Variants in CHD9NB observed in about 807,000 individuals in gnomAD.
CHD9NB encodes the protein CHD9 neighbor, also known as CHD9 neighbor protein.
At chr16:53,050,323 A>G in the CHD9NB span, among the ~76,000 whole-genome samples, 9 of 152,282 alleles carry the variant, frequency 5.9e-5, no homozygotes, top group South Asian at 1.9e-3. Context: ...CCTGAGCAAC[A>G]TGGTGAGATT....
At chr16:53,049,057 CTA>C in the CHD9NB span, among the ~76,000 whole-genome samples, 4 of 152,190 alleles carry the variant, frequency 2.6e-5, no homozygotes, top group Admixed American at 2.6e-4. Context: ...TGGGGTCGCA[CTA>C]TGTTACCCAG....
the CHD9NB span, among the ~76,000 whole-genome samples, chr16:53,038,391 A>G: frequency 2.0e-5 from 3 of 152,214 alleles, no homozygotes; most frequent in Non-Finnish European, 4.4e-5. Flanking sequence ...TCTGTCACCT[A>G]GGCTGGAATG....
the CHD9NB span, among the ~76,000 whole-genome samples, chr16:53,050,522 A>G: frequency 6.6e-6 from 1 of 152,136 alleles, no homozygotes; most frequent in Non-Finnish European, 1.5e-5. Context: ...AAAATAAAAT[A>G]AAATAATTGC....
the CHD9NB span, chr16:53,044,175 G>A: frequency 2.5e-6 from 1 of 398,726 alleles, no homozygotes; most frequent in Non-Finnish European, 4.4e-6. Flanking sequence ...GGGACACAGA[G>A]GATCCAGTGC....
chr16:53,040,936 G>T, the CHD9NB span, among the ~76,000 whole-genome samples: 2 of 152,172 alleles, frequency 1.3e-5, no homozygotes, highest in Admixed American at 1.3e-4. Flanking sequence ...TGGATGAAAG[G>T]ATGGATGGAC....
chr16:53,046,434 T>C, the CHD9NB span, among the ~76,000 whole-genome samples: 1 of 151,596 alleles, frequency 6.6e-6, no homozygotes, highest in Non-Finnish European at 1.5e-5. Flanking sequence ...CCTAGCACTT[T>C]AGGAGGCCGA....
the CHD9NB span, among the ~76,000 whole-genome samples, chr16:53,048,052 G>C: frequency 7.5e-6 from 1 of 133,472 alleles, no homozygotes; most frequent in Non-Finnish European, 1.6e-5. Context: ...GGGAGGGAGG[G>C]AGGGAGGAAA....
the CHD9NB span, among the ~76,000 whole-genome samples, chr16:53,051,768 AATATATATATATATATATATATATATAT>A: frequency 1.3e-4 from 14 of 104,644 alleles, no homozygotes; most frequent in East Asian, 6.2e-4. Context: ...TAAAAGTATA[AATATATATATATATATATATATATATAT>A]ATATATATAT....
chr16:53,044,632 T>A, the CHD9NB span, among the ~76,000 whole-genome samples: 1 of 152,122 alleles, frequency 6.6e-6, no homozygotes, highest in African/African-American at 2.4e-5. Flanking sequence ...CCACCCACTG[T>A]TGAGGAATAG....
the CHD9NB span, among the ~76,000 whole-genome samples, chr16:53,049,599 GA>G: frequency 2.0e-5 from 3 of 152,150 alleles, no homozygotes; most frequent in Admixed American, 6.5e-5. Flanking sequence ...GGAAATAGGG[GA>G]CAGGGGAGGG....
chr16:53,049,517 G>A, the CHD9NB span, among the ~76,000 whole-genome samples: 4 of 152,284 alleles, frequency 2.6e-5, no homozygotes, highest in African/African-American at 7.2e-5. Flanking sequence ...TGCTGGAGGA[G>A]GCCACATTCT....
chr16:53,042,243 T>A, the CHD9NB span, among the ~76,000 whole-genome samples: 9 of 150,000 alleles, frequency 6.0e-5, no homozygotes, highest in African/African-American at 2.2e-4. Context: ...TCCCCATTTT[T>A]CTCTTCCTCC....
the CHD9NB span, among the ~76,000 whole-genome samples, chr16:53,046,218 T>C: frequency 1.3e-5 from 2 of 152,104 alleles, no homozygotes; most frequent in Admixed American, 1.3e-4. Flanking sequence ...CAATCCTCCT[T>C]TGAAGCCTCC....
the CHD9NB span, chr16:53,044,193 T>C: frequency 3.8e-5 from 15 of 398,648 alleles, 1 homozygote; most frequent in South Asian, 2.5e-4. Context: ...TGCCCTTGGA[T>C]GTTCCAGGAG....
At chr16:53,052,458 C>T in the CHD9NB span, among the ~76,000 whole-genome samples, 2 of 152,146 alleles carry the variant, frequency 1.3e-5, no homozygotes, top group Non-Finnish European at 2.9e-5. Flanking sequence ...CTTCAGCCTA[C>T]CAAAACTCCT....
At chr16:53,044,621 T>C in the CHD9NB span, among the ~76,000 whole-genome samples, 1 of 152,128 alleles carries the variant, frequency 6.6e-6, no homozygotes, top group South Asian at 2.1e-4. Context: ...GAATGCCAAC[T>C]CCACCCACTG....
At chr16:53,045,172 A>G in the CHD9NB span, among the ~76,000 whole-genome samples, 1 of 152,270 alleles carries the variant, frequency 6.6e-6, no homozygotes, top group African/African-American at 2.4e-5. Flanking sequence ...TTTGTTGCCC[A>G]GGCTGATCTC....
the CHD9NB span, chr16:53,035,827 T>A: frequency 6.6e-6 from 1 of 152,266 alleles, no homozygotes; most frequent in East Asian, 1.9e-4. Flanking sequence ...TAGCCAGGCA[T>A]GGTGGCACAT....
chr16:53,044,514 C>T, the CHD9NB span, among the ~76,000 whole-genome samples: 1 of 152,296 alleles, frequency 6.6e-6, no homozygotes, highest in South Asian at 2.1e-4. Context: ...CAAAACAAGC[C>T]CTGTCACTAT....
Sources: allele counts gnomAD v4.1 joint callset (sites outside exome capture counted in the v4.1 genomes callset), GRCh38; gene constraint gnomAD v4.1.1; transcripts MANE v1.5; gene names NCBI Gene and HGNC (gene_info 2026-07-23, HGNC 2026-07-21).